TAGLN3: variants seen among roughly 807,000 people sequenced by gnomAD.
TAGLN3 encodes the protein transgelin 3.
TAGLN3 carries 12 observed loss-of-function variants against 25.4 expected under a neutral mutation model. That is an observed-to-expected ratio of 0.47 (90% confidence interval 0.30 to 0.77). The LOEUF is 0.77. TAGLN3 is among the 30% of genes least tolerant of loss of function. The pLI, the probability that TAGLN3 is intolerant of heterozygous loss-of-function variation, is 0.06. For missense variants in TAGLN3, 218 were observed against 255.8 expected (o/e 0.85, Z 1.01); for synonymous variants, 96 against 94.8 (o/e 1.01, Z -0.08).
chr3:112,013,037 AGT>A (rs1247748745), intron 4 of TAGLN3, among the ~76,000 whole-genome samples: 2 of 152,044 alleles, frequency 1.3e-5, no homozygotes, highest in African/African-American at 2.4e-5. Context: ...AAGAAGGGAG[AGT>A]GGGGAGAAAG....
chr3:112,008,440 A>T (rs148259868), intron 3 of TAGLN3, among the ~76,000 whole-genome samples: 4 of 152,222 alleles, frequency 2.6e-5, no homozygotes, highest in East Asian at 1.9e-4. Flanking sequence ...TCAGCCTCCC[A>T]AAGTGTTGAA....
chr3:112,006,593 G>T (rs1049678859), intron 3 of TAGLN3, among the ~76,000 whole-genome samples: 21 of 152,202 alleles, frequency 1.4e-4, no homozygotes, highest in African/African-American at 5.1e-4. Flanking sequence ...AGTCAAGACT[G>T]ATATATAATA....
At position 111,999,597 on chromosome 3, in the gene TAGLN3, G is replaced by T. The variant is rs993136918; in HGVS notation, c.175G>T (p.Gly59Trp). ...RAHFQKWLMDGTVLCKLINSL... is the reference protein window; with the variant it reads ...RAHFQKWLMDWTVLCKLINSL... ...CCATTTTCAGAAATGGTTAATGGAC[G>T]GGACGGTAAGGCCGGCAGCGATCTC... The change falls in exon 2 of 5, where the codon GGG becomes TGG. Residue 59 changes from glycine (G) to tryptophan (W), a missense_variant. Physicochemically the swap from Gly to Trp is radical, Grantham distance 184 (BLOSUM62 -2). Transcript: ENST00000478951. 3 of 1,613,014 alleles carry T rather than the reference G, an allele frequency of 1.9e-6. No homozygotes were observed. Among genetic ancestry groups the T allele is most frequent in the Non-Finnish European group, 2.5e-6 (3 of 1,179,300 alleles).
intron 3 of TAGLN3, among the ~76,000 whole-genome samples, chr3:112,008,747 G>A (rs1011850289): frequency 6.6e-6 from 1 of 152,202 alleles, no homozygotes; most frequent in African/African-American, 2.4e-5. Flanking sequence ...TAACAAGAAA[G>A]TGAGCTAGAT....
chr3:112,012,131 G>A (rs559674558), intron 4 of TAGLN3, among the ~76,000 whole-genome samples: 1 of 152,244 alleles, frequency 6.6e-6, no homozygotes, highest in East Asian at 1.9e-4. Flanking sequence ...CAGCAGGACT[G>A]GATGGCCTTT....
rs376688635 is a variant in TAGLN3 at position 111,999,376 on chromosome 3, T to G, written c.-2-45T>G. 1.4e-4 allele frequency: 223 copies of G among 1,596,050 alleles called. 1 individual carries two copies. The highest frequency in any genetic ancestry group is 6.8e-6 in the Non-Finnish European group (8 of 1,167,962). ...TCTGCAGGGAGCCGGAGGCTGCTGC[T>G]GCTGCTATTGTGTGGATGCCGCGCG... On this transcript the variant is annotated intron_variant, in intron 1 of 4. Coordinates refer to ENST00000478951, the MANE Select transcript of TAGLN3 (RefSeq NM_001008272.2).
chr3:111,999,777 T>C (rs1326511683), intron 2 of TAGLN3, among the ~76,000 whole-genome samples, 175 bp downstream of exon 2: 1 of 152,232 alleles, frequency 6.6e-6, no homozygotes, highest in Admixed American at 6.5e-5. Flanking sequence ...CTCCATGCAC[T>C]ATTCCCTAGC....
At chr3:112,006,294 T>C (rs2072917138) in intron 3 of TAGLN3, among the ~76,000 whole-genome samples, 1 of 152,224 alleles carries the variant, frequency 6.6e-6, no homozygotes, top group South Asian at 2.1e-4. Flanking sequence ...ACAGACCATA[T>C]TGATTCTGCT....
Position 112,013,569 on chromosome 3 carries a change from C to T in TAGLN3, c.*18C>T. On this transcript the variant is annotated 3_prime_UTR_variant, in exon 5 of 5. Coordinates refer to ENST00000478951, the MANE Select transcript of TAGLN3 (RefSeq NM_001008272.2). ...TCATGTAGGACGCGGCATCCTGCCC[C>T]TGGTAGAGAGGACGAATGTTCCACA... 1 of 1,614,040 alleles carries T rather than the reference C, an allele frequency of 6.2e-7. No individual in the cohort carries two copies.
rs1458482454 is a variant in TAGLN3 at position 111,999,413 on chromosome 3, C to G, written c.-2-8C>G. The stretch of plus-strand genomic sequence containing the variant: ...GTGGATGCCGCGCGTGTCTTCTCTT[C>G]TTTCCAGAGATGGCTAACAGGGGCC... On this transcript the variant is annotated splice_polypyrimidine_tract_variant and splice_region_variant and intron_variant, in intron 1 of 4. Transcript: ENST00000478951. 3 of 1,613,028 alleles carry G rather than the reference C, an allele frequency of 1.9e-6. No homozygotes were observed. Among genetic ancestry groups the G allele is most frequent in the Admixed American group, 3.3e-5 (2 of 59,994 alleles).
intron 3 of TAGLN3, among the ~76,000 whole-genome samples, chr3:112,004,238 T>G (rs1485251967): frequency 2.0e-5 from 3 of 152,230 alleles, no homozygotes; most frequent in African/African-American, 7.2e-5. Flanking sequence ...AGATTACTTT[T>G]GGATTTGCCA....
intron 3 of TAGLN3, among the ~76,000 whole-genome samples, chr3:112,006,631 C>G (rs2072920160): frequency 6.6e-6 from 1 of 152,204 alleles, no homozygotes; most frequent in Non-Finnish European, 1.5e-5. Flanking sequence ...AGACAAAGAA[C>G]TTTGACTGCA....
intron 3 of TAGLN3, among the ~76,000 whole-genome samples, chr3:112,005,702 C>CTTT (rs761424017): frequency 1.7e-4 from 5 of 30,214 alleles, no homozygotes; most frequent in African/African-American, 3.5e-4. Flanking sequence ...TCTTTTTTTT[C>CTTT]TTTTTTTTTT....
intron 3 of TAGLN3, among the ~76,000 whole-genome samples, chr3:112,002,699 G>A (rs961795408): frequency 6.6e-6 from 1 of 151,450 alleles, no homozygotes; most frequent in Non-Finnish European, 1.5e-5. Flanking sequence ...GAAGCCAGGA[G>A]GTCTGTGGGA....
intron 3 of TAGLN3, among the ~76,000 whole-genome samples, chr3:112,007,286 T>A (rs2072928492): frequency 6.6e-6 from 1 of 152,170 alleles, no homozygotes; most frequent in Non-Finnish European, 1.5e-5. Context: ...TTACATTAGG[T>A]TCACTCTTGC....
Position 112,000,757 on chromosome 3 carries a change from C to A in TAGLN3, c.181-15C>A, listed in dbSNP as rs1415967092. 1 of 1,610,118 alleles carries A rather than the reference C, an allele frequency of 6.2e-7. No homozygotes were observed. The highest frequency in any genetic ancestry group is 8.5e-7 in the Non-Finnish European group (1 of 1,177,080). On this transcript the variant is annotated splice_polypyrimidine_tract_variant and intron_variant, in intron 2 of 4. Coordinates refer to ENST00000478951, the MANE Select transcript of TAGLN3 (RefSeq NM_001008272.2). ...AAAGGGAAACATTGATTCTGTCTCT[C>A]CCCTCCCTCTTCAGGTCCTGTGCAA...
chr3:112,005,634 G>A (rs2072907794), intron 3 of TAGLN3, among the ~76,000 whole-genome samples: 1 of 151,346 alleles, frequency 6.6e-6, no homozygotes, highest in African/African-American at 2.4e-5. Flanking sequence ...GATATTGTAA[G>A]TAAAGTACCT....
chr3:112,001,705 T>G (rs1432426045), intron 3 of TAGLN3, among the ~76,000 whole-genome samples: 1 of 152,190 alleles, frequency 6.6e-6, no homozygotes, highest in African/African-American at 2.4e-5. Context: ...AGATACCAAC[T>G]AGTCAGAGCA....
At chr3:112,001,433 TG>T (rs1254757346) in intron 3 of TAGLN3, among the ~76,000 whole-genome samples, 2 of 152,252 alleles carry the variant, frequency 1.3e-5, no homozygotes, top group Non-Finnish European at 2.9e-5. Context: ...ATATGCATTC[TG>T]CTCAGTGTGA....
Sources: gnomAD v4.1 joint callset for allele counts (sites outside exome capture counted in the v4.1 genomes callset) on GRCh38, gnomAD v4.1.1 for gene constraint, MANE v1.5 for transcripts, NCBI Gene and HGNC (gene_info 2026-07-23, HGNC 2026-07-21) for gene names.